Variants in HMX2 observed in about 807,000 individuals in gnomAD.
The protein encoded by HMX2 is H6 family homeobox 2.
In HMX2, 15 loss-of-function variants were observed where a neutral mutation model predicts 21.2. The ratio of observed to expected loss-of-function variants is 0.71; its 90% CI spans 0.47 to 1.09. The LOEUF is 1.09. Among genes scored for constraint, HMX2 ranks in the 50% least tolerant of loss-of-function variants. The pLI, the probability that HMX2 is intolerant of heterozygous loss-of-function variation, is 0.00. For missense variants in HMX2, 440 were observed against 381.5 expected (o/e 1.15, Z -1.28); for synonymous variants, 193 against 181.0 (o/e 1.07, Z -0.53).
chr10:123,148,576 C>A lies in HMX2; in HGVS notation c.198C>A (p.Phe66Leu). The A allele has an allele frequency of 6.2e-7, 1 of 1,613,592 alleles. No homozygotes were observed. The highest frequency in any genetic ancestry group is 8.5e-7 in the Non-Finnish European group (1 of 1,179,834). Residue 66 changes from phenylalanine to leucine, a missense_variant, in exon 1 of 2, where the codon TTC (phenylalanine) becomes TTA (leucine). Physicochemically the swap from Phe to Leu is conservative, Grantham distance 22. Coordinates refer to ENST00000339992, the MANE Select transcript of HMX2 (RefSeq NM_005519.2). ...ACGGCTGGAAGGCGCCCGCCTGCTT[C>A]TGCCCAGACCAGCACGGCCCTAAGG... ...PDDGWKAPAC[F>L]CPDQHGPKEQ...
rs1033556826 is a variant in HMX2 at position 123,149,155 on chromosome 10, G to C, written c.269-415G>C. ...ACGGTTCCTCTTTACAACATTTGAC[G>C]AAGGGGAGTCCTGCGTTAGTCCTTA... On this transcript the variant is annotated intron_variant, in intron 1 of 1. Transcript: ENST00000339992. This position sits in a 1 kb window ranked among gnomAD's most constrained non-coding sequence, Gnocchi z 5.4. 2.0e-4 allele frequency among the ~76,000 whole-genome samples: 30 copies of C among 152,154 alleles called. No individual in the cohort carries two copies. The highest frequency in any genetic ancestry group is 4.1e-4 in the Non-Finnish European group (28 of 68,030).
At position 123,148,530 on chromosome 10, in the gene HMX2, CGGA is replaced by C. The variant is rs752845634; in HGVS notation, c.163_165del (p.Glu55del). 40 of 1,612,942 alleles carry C rather than the reference CGGA, an allele frequency of 2.5e-5. No individual in the cohort carries two copies. Among genetic ancestry groups the C allele is most frequent in the Non-Finnish European group, 3.4e-5 (40 of 1,179,736 alleles). The stretch of plus-strand genomic sequence containing the variant: ...AGGAAGCGCAGCCTGTCCGTGTCCT[CGGA>C]GGAGGAGGAGCCGGACGACGGCTGG... On this transcript the variant is annotated inframe_deletion, in exon 1 of 2. Transcript: ENST00000339992.
rs1280216243 is a variant in HMX2, at chr10:123,148,658, A to G, written c.268+12A>G. 1 of 1,603,256 alleles carries G rather than the reference A, an allele frequency of 6.2e-7. No homozygotes were observed. The highest frequency in any genetic ancestry group is 8.5e-7 in the Non-Finnish European group (1 of 1,176,428). ...TTTTCCTTGCCTGGGTAAGGATCGC[A>G]CGTCGCCAGTGTGGCAGCGAGCGAG... On this transcript the variant is annotated intron_variant, in intron 1 of 1. Transcript: ENST00000339992.
chr10:123,148,580 C>G lies in HMX2; in HGVS notation c.202C>G (p.Pro68Ala). The G allele has an allele frequency of 6.2e-7, 1 of 1,613,400 alleles. No homozygotes were observed. Among genetic ancestry groups the G allele is most frequent in the Non-Finnish European group, 8.5e-7 (1 of 1,179,840 alleles). Residue 68 changes from proline to alanine, a missense_variant, in exon 1 of 2, where the codon CCA becomes GCA. Transcript: ENST00000339992. ...DGWKAPACFC[P>A]DQHGPKEQGP... ...CTGGAAGGCGCCCGCCTGCTTCTGC[C>G]CAGACCAGCACGGCCCTAAGGAGCA...
In HMX2 at chr10:123,148,413, C is replaced by A; in HGVS notation, c.35C>A (p.Pro12Gln). Residue 12 changes from proline (P) to glutamine (Q), a missense_variant, in exon 1 of 2, where the codon CCG (proline) becomes CAG (glutamine). Coordinates refer to ENST00000339992, the MANE Select transcript of HMX2 (RefSeq NM_005519.2). ...AAAGAAGATGCGGGCAAGGGGTGTC[C>A]GGCGGCCGGTGGCGTCTCCAGCTTC... The part of the protein sequence containing the change: ...GSKEDAGKGC[P>Q]AAGGVSSFTI... The A allele has an allele frequency of 6.2e-7, 1 of 1,613,152 alleles. No homozygotes were observed. The highest frequency in any genetic ancestry group is 8.5e-7 in the Non-Finnish European group (1 of 1,179,618).
At position 123,150,001 on chromosome 10, in the gene HMX2, G is replaced by A. The variant is rs1299612247; in HGVS notation, c.700G>A (p.Asp234Asn). Reference sequence around the variant, plus strand: ...GGTGAGCATGCCGCTGGTGTTCCGGGACAGTTCGCTGCTGCGCGTGCCGGT... The same window carrying A: ...GGTGAGCATGCCGCTGGTGTTCCGGAACAGTTCGCTGCTGCGCGTGCCGGT... ...TLVSMPLVFRDSSLLRVPVPR... is the reference protein window; with the variant it reads ...TLVSMPLVFRNSSLLRVPVPR... Residue 234 changes from aspartate (D) to asparagine (N), a missense_variant, in exon 2 of 2, where the codon GAC becomes AAC. Coordinates refer to ENST00000339992, the MANE Select transcript of HMX2 (RefSeq NM_005519.2). The surrounding 1 kb of genome is among the most constrained non-coding windows in gnomAD (Gnocchi z 4.2). 1.6e-5 allele frequency: 25 copies of A among 1,610,590 alleles called. No homozygotes were observed. Among genetic ancestry groups the A allele is most frequent in the Non-Finnish European group, 2.1e-5 (25 of 1,179,220 alleles).
Position 123,148,471 on chromosome 10 carries a change from G to C in HMX2, c.93G>C (p.Ser31=), listed in dbSNP as rs1306700924. 1.9e-6 allele frequency: 3 copies of C among 1,612,754 alleles called. No individual in the cohort carries two copies. In the Admixed American group the frequency reaches 5.0e-5, roughly 27 times the overall value. ...TIQSILGGGP[S]EAPREPVGWP... is the part of the protein sequence containing the mutation. Reference sequence around the variant, plus strand: ...AGTCCATCCTGGGCGGGGGCCCCTCGGAGGCACCGCGGGAGCCCGTCGGCT... The same window carrying C: ...AGTCCATCCTGGGCGGGGGCCCCTCCGAGGCACCGCGGGAGCCCGTCGGCT... The change falls in exon 1 of 2, where the codon TCG becomes TCC. Residue 31 remains serine, a synonymous_variant. Transcript: ENST00000339992.
chr10:123,148,420 C>T lies in HMX2; in HGVS notation c.42C>T (p.Ala14=), dbSNP rs752295131. The change falls in exon 1 of 2, where the codon GCC becomes GCT. Residue 14 remains alanine (A), a synonymous_variant. Coordinates refer to ENST00000339992, the MANE Select transcript of HMX2 (RefSeq NM_005519.2). The part of the protein sequence containing the change: ...KEDAGKGCPA[A]GGVSSFTIQS... Reference sequence around the variant, plus strand: ...ATGCGGGCAAGGGGTGTCCGGCGGCCGGTGGCGTCTCCAGCTTCACCATCC... The same window carrying T: ...ATGCGGGCAAGGGGTGTCCGGCGGCTGGTGGCGTCTCCAGCTTCACCATCC... 6.2e-7 allele frequency: 1 copy of T among 1,613,108 alleles called. No individual in the cohort carries two copies. The highest frequency in any genetic ancestry group is 1.1e-5 in the South Asian group (1 of 91,014).
chr10:123,148,522 C>G lies in HMX2; in HGVS notation c.144C>G (p.Ser48=), dbSNP rs767051765. Residue 48 remains serine (S), a synonymous_variant, in exon 1 of 2, where the codon TCC becomes TCG. Transcript: ENST00000339992. ...GGCCAGCCAGGAAGCGCAGCCTGTC[C>G]GTGTCCTCGGAGGAGGAGGAGCCGG... ...VGWPARKRSL[S]VSSEEEEPDD... 1.5e-5 allele frequency: 25 copies of G among 1,612,944 alleles called. No individual in the cohort carries two copies. Among genetic ancestry groups the G allele is most frequent in the South Asian group, 3.3e-5 (3 of 91,056 alleles).
rs867981703 is a variant in HMX2, at chr10:123,150,040, G to A, written c.739G>A (p.Ala247Thr). The change falls in exon 2 of 2, where the codon GCC (alanine) becomes ACC (threonine). Residue 247 changes from alanine to threonine, a missense_variant. Ala to Thr is a moderately conservative substitution (Grantham distance 58). Transcript: ENST00000339992. This position sits in a 1 kb window ranked among gnomAD's most constrained non-coding sequence, Gnocchi z 4.2. ...LLRVPVPRSL[A>T]FPAPLYYPGS... is the part of the protein sequence containing the mutation. ...GCGCGTGCCGGTGCCGCGCTCGCTCGCCTTTCCCGCGCCGCTCTACTACCC... is the reference window on the plus strand; with the variant it reads ...GCGCGTGCCGGTGCCGCGCTCGCTCACCTTTCCCGCGCCGCTCTACTACCC... 4.4e-6 allele frequency: 7 copies of A among 1,604,276 alleles called. No homozygotes were observed. The highest frequency in any genetic ancestry group is 5.9e-6 in the Non-Finnish European group (7 of 1,177,794).
Position 123,148,610 on chromosome 10 carries a change from C to T in HMX2, c.232C>T (p.Pro78Ser). ...CCAGCACGGCCCTAAGGAGCAGGGC[C>T]CCAAGCACCATCCCCCCATCCCTTT... ...PDQHGPKEQG[P>S]KHHPPIPFPC... The change falls in exon 1 of 2, where the codon CCC becomes TCC. Residue 78 changes from proline (P) to serine (S), a missense_variant. Physicochemically the swap from Pro to Ser is moderately conservative, Grantham distance 74 (BLOSUM62 -1). Coordinates refer to ENST00000339992, the MANE Select transcript of HMX2 (RefSeq NM_005519.2). The T allele has an allele frequency of 6.2e-7, 1 of 1,612,456 alleles. No homozygotes were observed.
At chr10:123,148,751 G>T (rs2133558216) in intron 1 of HMX2, 105 bp downstream of exon 1, 7 of 1,412,280 alleles carry the variant, frequency 5.0e-6, no homozygotes, top group Non-Finnish European at 6.6e-6. Flanking sequence ...CCAGAGCTGC[G>T]GCAGCCGGGG....
In HMX2 at chr10:123,149,048, G is replaced by A. The variant is rs1286580742; in HGVS notation, c.268+402G>A. 6.6e-6 allele frequency among the ~76,000 whole-genome samples: 1 copy of A among 152,082 alleles called. No homozygotes were observed. Among genetic ancestry groups the A allele is most frequent in the African/African-American group, 2.4e-5 (1 of 41,388 alleles). ...TCTTTCTGAGTCTTCTTCCTCACTC[G>A]CTCCGTATCTCTGCCTTTCTCTCTC... On this transcript the variant is annotated intron_variant, in intron 1 of 1. Transcript: ENST00000339992. The surrounding 1 kb of genome is among the most constrained non-coding windows in gnomAD (Gnocchi z 5.4).
chr10:123,148,730 G>A (rs1157298959), intron 1 of HMX2, 84 bp downstream of exon 1: 25 of 1,511,822 alleles, frequency 1.7e-5, no homozygotes, highest in East Asian at 2.5e-5. Flanking sequence ...CCCGCGCCGG[G>A]CCCCCTCTGG....
Position 123,150,378 on chromosome 10 carries a change from T to A in HMX2, c.*255T>A. 2.8e-6 allele frequency: 1 copy of A among 352,280 alleles called. No individual in the cohort carries two copies. Among genetic ancestry groups the A allele is most frequent in the Non-Finnish European group, 5.1e-6 (1 of 196,228 alleles). The allele number at this position is 352,280 out of a possible 1,614,324, so 21.8% of individuals were successfully genotyped here. A position where few individuals can be genotyped will look rare whatever the true frequency, so the allele number is the denominator to read the frequency against. On this transcript the variant is annotated 3_prime_UTR_variant, in exon 2 of 2. Coordinates refer to ENST00000339992, the MANE Select transcript of HMX2 (RefSeq NM_005519.2). This position sits in a 1 kb window ranked among gnomAD's most constrained non-coding sequence, Gnocchi z 4.2. ...AGTACGCTTTGAAAACCATTCGGAG[T>A]GAGATGTTCTCGGGTGGTGGTGGGA...
In HMX2 at chr10:123,150,160, A is replaced by G. The variant is rs983307484; in HGVS notation, c.*37A>G. The G allele has an allele frequency of 2.7e-6, 4 of 1,486,060 alleles. No individual in the cohort carries two copies. The highest frequency in any genetic ancestry group is 2.1e-5 in the Admixed American group (1 of 48,500). 92.1% of individuals were successfully genotyped at this position (1,486,060 alleles called of 1,614,324 possible). On this transcript the variant is annotated 3_prime_UTR_variant, in exon 2 of 2. Transcript: ENST00000339992. The surrounding 1 kb of genome is among the most constrained non-coding windows in gnomAD (Gnocchi z 4.2). The stretch of plus-strand genomic sequence containing the variant: ...CCCCGCGCCGCCCCCAGCTGCCCGC[A>G]GAGCCGGGCGCGTACTGTACTGTAA...
rs1247071587 is a variant in HMX2, at chr10:123,149,512, C to A, written c.269-58C>A. On this transcript the variant is annotated intron_variant, in intron 1 of 1. Coordinates refer to ENST00000339992, the MANE Select transcript of HMX2 (RefSeq NM_005519.2). This position sits in a 1 kb window ranked among gnomAD's most constrained non-coding sequence, Gnocchi z 5.4. ...ACCGCTTGGTCCCAGGGAGAGCTGG[C>A]GGTCTCCGAGGCTCCCCAACCAACT... 5.2e-6 allele frequency: 7 copies of A among 1,352,990 alleles called. No homozygotes were observed. The African/African-American group carries it at 6.1e-5, about 12-fold the overall frequency. 83.8% of individuals were successfully genotyped at this position (1,352,990 alleles called of 1,614,324 possible).
rs2133559553 is a variant in HMX2, at chr10:123,150,101, T to C, written c.800T>C (p.Leu267Pro). The C allele has an allele frequency of 6.4e-7, 1 of 1,574,018 alleles. No homozygotes were observed. Among genetic ancestry groups the C allele is most frequent in the Non-Finnish European group, 8.6e-7 (1 of 1,164,332 alleles). ...CTCTCGGCCTTACCTCTCTACAACC[T>C]ATACAACAAGCTCGACTACTGACCG... The part of the protein sequence containing the change: ...SNLSALPLYN[L>P]YNKLDY The change falls in exon 2 of 2, where the codon CTA (leucine) becomes CCA (proline). Residue 267 changes from leucine to proline, a missense_variant. Physicochemically the swap from Leu to Pro is moderately conservative, Grantham distance 98 (BLOSUM62 -3). Coordinates refer to ENST00000339992, the MANE Select transcript of HMX2 (RefSeq NM_005519.2). This position sits in a 1 kb window ranked among gnomAD's most constrained non-coding sequence, Gnocchi z 4.2.
In HMX2 at chr10:123,149,531, A is replaced by G. The variant is rs765610584; in HGVS notation, c.269-39A>G. 1 of 1,405,310 alleles carries G rather than the reference A, an allele frequency of 7.1e-7. No homozygotes were observed. Among genetic ancestry groups the G allele is most frequent in the Non-Finnish European group, 9.3e-7 (1 of 1,078,414 alleles). The allele number at this position is 1,405,310 out of a possible 1,614,324, so 87.1% of individuals were successfully genotyped here. ...AGCTGGCGGTCTCCGAGGCTCCCCAACCAACTCCATGGCCTTTCTGTCTGT... is the reference window on the plus strand; with the variant it reads ...AGCTGGCGGTCTCCGAGGCTCCCCAGCCAACTCCATGGCCTTTCTGTCTGT... On this transcript the variant is annotated intron_variant, in intron 1 of 1. Coordinates refer to ENST00000339992, the MANE Select transcript of HMX2 (RefSeq NM_005519.2). The surrounding 1 kb of genome is among the most constrained non-coding windows in gnomAD (Gnocchi z 5.4).
Sources: allele counts gnomAD v4.1 joint callset (sites outside exome capture counted in the v4.1 genomes callset), GRCh38; gene constraint gnomAD v4.1.1; non-coding constraint Gnocchi (gnomAD v3.1); transcripts MANE v1.5; gene names NCBI Gene and HGNC (gene_info 2026-07-23, HGNC 2026-07-21).